The following USP6NL variants were observed in gnomAD, a reference collection of about 807,000 sequenced individuals.
The protein encoded by USP6NL is USP6 N-terminal like.
In USP6NL, 26 loss-of-function variants were observed where a neutral mutation model predicts 61.9. That is an observed-to-expected ratio of 0.42 (90% CI 0.31 to 0.58). The LOEUF (loss-of-function observed/expected upper bound fraction) is 0.58. USP6NL is among the 20% of genes least tolerant of loss of function. USP6NL has a pLI of 0.16. For synonymous variants in USP6NL, 432 were observed against 390.1 expected (o/e 1.11, Z -1.27); for missense variants, 1,114 against 1,034.3 (o/e 1.08, Z -1.06).
chr10:11,597,106 G>C lies in USP6NL; in HGVS notation c.4+525C>G, dbSNP rs1241483029. On this transcript the variant is annotated intron_variant, in intron 2 of 14. Coordinates refer to ENST00000609104, the MANE Select transcript of USP6NL (RefSeq NM_014688.5). This position sits in a 1 kb window ranked among gnomAD's most constrained non-coding sequence, Gnocchi z 4.6. ...TCACAAGCAGAAGTATATAGGAATA[G>C]AGAGAAAATATTACATATACTATCC... 2.0e-5 allele frequency among the ~76,000 whole-genome samples: 3 copies of C among 152,100 alleles called. No homozygotes were observed. Among genetic ancestry groups the C allele is most frequent in the Admixed American group, 2.0e-4 (3 of 15,272 alleles).
rs1321840851 is a variant in USP6NL, at chr10:11,589,704, A to G, written c.4+7927T>C. ...ATTCCATTTCTATTCCACTCTTCTA[A>G]CATCTAAAACAGGCAACTGTATTTT... On this transcript the variant is annotated intron_variant, in intron 2 of 14. Coordinates refer to ENST00000609104, the MANE Select transcript of USP6NL (RefSeq NM_014688.5). The surrounding 1 kb of genome is among the most constrained non-coding windows in gnomAD (Gnocchi z 4.7). Among the ~76,000 whole-genome samples, 1 of 152,256 alleles carries G rather than the reference A, an allele frequency of 6.6e-6. No homozygotes were observed. Among genetic ancestry groups the G allele is most frequent in the Non-Finnish European group, 1.5e-5 (1 of 68,044 alleles).
At chr10:11,533,806 A>C (rs1185669704) in intron 2 of USP6NL, among the ~76,000 whole-genome samples, 6 of 152,242 alleles carry the variant, frequency 3.9e-5, no homozygotes, top group Non-Finnish European at 8.8e-5. Context: ...CAGGATTCAA[A>C]GTTTACTGCC....
chr10:11,541,491 G>A (rs1009166913), intron 2 of USP6NL, among the ~76,000 whole-genome samples: 2 of 151,912 alleles, frequency 1.3e-5, no homozygotes. Context: ...CAGTTCTTAA[G>A]TTAGAGAAGT....
At chr10:11,599,652 G>C (rs1425440239) in intron 1 of USP6NL, among the ~76,000 whole-genome samples, 1 of 151,644 alleles carries the variant, frequency 6.6e-6, no homozygotes, top group Non-Finnish European at 1.5e-5. Context: ...ATTTATAAAT[G>C]ACATAACTGA....
At position 11,602,710 on chromosome 10, in the gene USP6NL, T is replaced by C. The variant is rs1564245106; in HGVS notation, c.-83-4993A>G. On this transcript the variant is annotated intron_variant, in intron 1 of 14. Transcript: ENST00000609104. The surrounding 1 kb of genome is among the most constrained non-coding windows in gnomAD (Gnocchi z 4.8). ...ACGTGACACTCAAAGGAAACGCTCA[T>C]TAGGGCACTTTGGATTTCATTTTTG... Among the ~76,000 whole-genome samples, 1 of 152,194 alleles carries C rather than the reference T, an allele frequency of 6.6e-6. No homozygotes were observed. Among genetic ancestry groups the C allele is most frequent in the Non-Finnish European group, 1.5e-5 (1 of 68,028 alleles).
At position 11,496,200 on chromosome 10, in the gene USP6NL, T is replaced by G. The variant is rs1180556276; in HGVS notation, c.385-2972A>C. ...TTTCATCCTCGCCAAATAACAAACC[T>G]CCAGTCTTGGGCTAGCACTGAGGGA... On this transcript the variant is annotated intron_variant, in intron 7 of 14. Coordinates refer to ENST00000609104, the MANE Select transcript of USP6NL (RefSeq NM_014688.5). This position sits in a 1 kb window ranked among gnomAD's most constrained non-coding sequence, Gnocchi z 5.4. 6.6e-6 allele frequency among the ~76,000 whole-genome samples: 1 copy of G among 152,212 alleles called. No individual in the cohort carries two copies. The highest frequency in any genetic ancestry group is 1.5e-5 in the Non-Finnish European group (1 of 68,022).
intron 1 of USP6NL, among the ~76,000 whole-genome samples, chr10:11,601,524 A>G (rs968094921): frequency 2.0e-5 from 3 of 152,210 alleles, no homozygotes; most frequent in Non-Finnish European, 2.9e-5. Flanking sequence ...CATATTACAC[A>G]TAGTCTTTGT....
In USP6NL at chr10:11,495,082, C is replaced by G. The variant is rs369273055; in HGVS notation, c.385-1854G>C. Among the ~76,000 whole-genome samples the G allele has an allele frequency of 6.6e-6, 1 of 152,112 alleles. No individual in the cohort carries two copies. The highest frequency in any genetic ancestry group is 2.4e-5 in the African/African-American group (1 of 41,460). ...TGCTAGACCTCGGTCCGCCTGGCAA[C>G]GGGCGTCTTCCCAGATGCTGGCGTT... is the stretch of plus-strand genomic sequence containing the variant. On this transcript the variant is annotated intron_variant, in intron 7 of 14. Coordinates refer to ENST00000609104, the MANE Select transcript of USP6NL (RefSeq NM_014688.5). The surrounding 1 kb of genome is among the most constrained non-coding windows in gnomAD (Gnocchi z 4.6).
At position 11,465,224 on chromosome 10, in the gene USP6NL, G is replaced by A. The variant is rs922341967; in HGVS notation, c.1079-1375C>T. Among the ~76,000 whole-genome samples the A allele has an allele frequency of 3.3e-5, 5 of 152,214 alleles. No individual in the cohort carries two copies. Among genetic ancestry groups the A allele is most frequent in the Non-Finnish European group, 7.3e-5 (5 of 68,042 alleles). ...TTCTAAGGGCAGAACCCAGTAATCT[G>A]ATTGGCTAATTCAGTGGCTGGCTGA... On this transcript the variant is annotated intron_variant, in intron 14 of 14. Coordinates refer to ENST00000609104, the MANE Select transcript of USP6NL (RefSeq NM_014688.5). The surrounding 1 kb of genome is among the most constrained non-coding windows in gnomAD (Gnocchi z 4.5).
intron 14 of USP6NL, among the ~76,000 whole-genome samples, chr10:11,472,191 A>T (rs1355986042): frequency 6.6e-6 from 1 of 152,232 alleles, no homozygotes; most frequent in Non-Finnish European, 1.5e-5. Flanking sequence ...AAAAATGTTT[A>T]TTATTTTCTT....
At chr10:11,599,427 A>C (rs557938655) in intron 1 of USP6NL, among the ~76,000 whole-genome samples, 1 of 152,350 alleles carries the variant, frequency 6.6e-6, no homozygotes, top group East Asian at 1.9e-4. Context: ...AACCAAAAGG[A>C]GCCAAAGAAA....
chr10:11,506,267 G>A (rs1484287208), intron 6 of USP6NL, among the ~76,000 whole-genome samples: 1 of 152,198 alleles, frequency 6.6e-6, no homozygotes, highest in Non-Finnish European at 1.5e-5. Flanking sequence ...CTGTGACATA[G>A]CTTAGACACA....
chr10:11,495,407 A>C lies in USP6NL; in HGVS notation c.385-2179T>G, dbSNP rs1285073230. Among the ~76,000 whole-genome samples, 3 of 152,182 alleles carry C rather than the reference A, an allele frequency of 2.0e-5. No homozygotes were observed. The highest frequency in any genetic ancestry group is 4.4e-5 in the Non-Finnish European group (3 of 68,034). On this transcript the variant is annotated intron_variant, in intron 7 of 14. Transcript: ENST00000609104. This position sits in a 1 kb window ranked among gnomAD's most constrained non-coding sequence, Gnocchi z 4.6. Reference sequence around the variant, plus strand: ...GCTCGTGTCCTCGGTCTCTTGCCTCAGCACCTGGATGGCTTGCCGCCCACA... The same window carrying C: ...GCTCGTGTCCTCGGTCTCTTGCCTCCGCACCTGGATGGCTTGCCGCCCACA...
chr10:11,488,883 T>C (rs1330698845), intron 10 of USP6NL, among the ~76,000 whole-genome samples: 1 of 152,254 alleles, frequency 6.6e-6, no homozygotes, highest in Non-Finnish European at 1.5e-5. Flanking sequence ...GTGCCAACAA[T>C]ATACCTTGGA....
intron 2 of USP6NL, chr10:11,565,758 T>C (rs1837125269): frequency 2.0e-5 from 3 of 152,160 alleles, no homozygotes; most frequent in South Asian, 2.1e-4. Flanking sequence ...CCGCTCACCA[T>C]TGAAGCCAAT....
rs1451359064 is a variant in USP6NL, at chr10:11,597,194, G to C, written c.4+437C>G. ...AAGCCCAGGATAGCCTTGGTTCTTTGTTCTATCAGAGACATTGATAGATTG... is the reference window on the plus strand; with the variant it reads ...AAGCCCAGGATAGCCTTGGTTCTTTCTTCTATCAGAGACATTGATAGATTG... On this transcript the variant is annotated intron_variant, in intron 2 of 14. Transcript: ENST00000609104. This position sits in a 1 kb window ranked among gnomAD's most constrained non-coding sequence, Gnocchi z 4.6. Among the ~76,000 whole-genome samples, 1 of 152,140 alleles carries C rather than the reference G, an allele frequency of 6.6e-6. No individual in the cohort carries two copies. The highest frequency in any genetic ancestry group is 6.5e-5 in the Admixed American group (1 of 15,268).
chr10:11,483,685 G>C (rs1338587098), intron 13 of USP6NL, among the ~76,000 whole-genome samples: 2 of 103,926 alleles, frequency 1.9e-5, no homozygotes, highest in Non-Finnish European at 4.0e-5. Flanking sequence ...GGAGAGAGGT[G>C]GGGGGTGGGG....
intron 14 of USP6NL, among the ~76,000 whole-genome samples, chr10:11,472,368 C>CGCG (rs1195867199): frequency 1.3e-5 from 2 of 152,198 alleles, no homozygotes; most frequent in Admixed American, 6.5e-5. Context: ...CAAGCCTCGC[C>CGCG]CATCAACGGC....
chr10:11,502,357 C>T (rs953186837), intron 6 of USP6NL, among the ~76,000 whole-genome samples: 1 of 152,096 alleles, frequency 6.6e-6, no homozygotes, highest in African/African-American at 2.4e-5. Flanking sequence ...TACACCTCTC[C>T]GTCTTCTTGT....
Sources: allele counts gnomAD v4.1 joint callset (sites outside exome capture counted in the v4.1 genomes callset), GRCh38; gene constraint gnomAD v4.1.1; non-coding constraint Gnocchi (gnomAD v3.1); transcripts MANE v1.5; gene names NCBI Gene and HGNC (gene_info 2026-07-23, HGNC 2026-07-21).